The following ANXA4 variants were observed in gnomAD, a reference collection of about 807,000 sequenced individuals.
ANXA4 encodes 35-beta calcimedin.
In ANXA4, 39 loss-of-function variants were observed where a neutral mutation model predicts 49.8. The observed-to-expected ratio is 0.78, with a 90% CI of 0.61 to 1.02. The LOEUF (loss-of-function observed/expected upper bound fraction) is 1.02. Ranked by LOEUF, ANXA4 falls within the 50% of genes least tolerant of loss-of-function variation. ANXA4 has a pLI of 0.00. For synonymous variants in ANXA4, 134 were observed against 152.5 expected (o/e 0.88, Z 0.89); for missense variants, 360 against 410.1 (o/e 0.88, Z 1.05).
At chr2:69,676,878 GC>G (rs1295077566) in intron 2 of ANXA4, among the ~76,000 whole-genome samples, 1 of 152,050 alleles carries the variant, frequency 6.6e-6, no homozygotes, top group African/African-American at 2.4e-5. Context: ...GGGCGACAGA[GC>G]GGGGGAAAAA....
At chr2:69,660,449 TAAGCTCAGTTAAG>T (rs955379175) in intron 2 of ANXA4, among the ~76,000 whole-genome samples, 1 of 152,006 alleles carries the variant, frequency 6.6e-6, no homozygotes, top group African/African-American at 2.4e-5. Flanking sequence ...AAATCACCCA[TAAGCTCAGTTAAG>T]AGAACAAAAC....
At chr2:69,802,132 A>G (rs1033485600) in intron 3 of ANXA4, among the ~76,000 whole-genome samples, 4 of 152,168 alleles carry the variant, frequency 2.6e-5, no homozygotes, top group Admixed American at 2.0e-4. Flanking sequence ...CCTAAAGTAA[A>G]TCCAGCAGAT....
chr2:69,722,006 A>C (rs559132042), intron 3 of ANXA4, among the ~76,000 whole-genome samples: 1 of 152,346 alleles, frequency 6.6e-6, no homozygotes, highest in South Asian at 2.1e-4. Flanking sequence ...ATAAAATAGA[A>C]ATAATAATAT....
chr2:69,743,214 C>T (rs1214556976), intron 1 of ANXA4, among the ~76,000 whole-genome samples: 1 of 151,870 alleles, frequency 6.6e-6, no homozygotes, highest in Non-Finnish European at 1.5e-5. Flanking sequence ...TATTGATAAC[C>T]AAACCCTAGA....
chr2:69,786,979 C>T (rs917708500), intron 2 of ANXA4, among the ~76,000 whole-genome samples: 2 of 152,208 alleles, frequency 1.3e-5, no homozygotes, highest in South Asian at 4.1e-4. Flanking sequence ...CCTGCCTCAG[C>T]CTCCCAAAGT....
intron 1 of ANXA4, among the ~76,000 whole-genome samples, chr2:69,746,441 GT>G (rs940330290): frequency 2.4e-4 from 37 of 152,182 alleles, no homozygotes; most frequent in Non-Finnish European, 4.0e-4. Flanking sequence ...CCAACTAAAG[GT>G]TTTTTTGTTT....
intron 3 of ANXA4, among the ~76,000 whole-genome samples, chr2:69,789,532 G>GAC (rs920283385): frequency 6.6e-6 from 1 of 152,138 alleles, no homozygotes; most frequent in African/African-American, 2.4e-5. Context: ...GTTGCAGACA[G>GAC]ACACACACAC....
intron 2 of ANXA4, among the ~76,000 whole-genome samples, chr2:69,708,219 C>T (rs1445082718): frequency 6.6e-6 from 1 of 152,196 alleles, no homozygotes; most frequent in Non-Finnish European, 1.5e-5. Context: ...CTTGGGCCCA[C>T]AATGATATCA....
At chr2:69,799,736 C>T (rs561682916) in intron 3 of ANXA4, among the ~76,000 whole-genome samples, 1 of 152,292 alleles carries the variant, frequency 6.6e-6, no homozygotes, top group Non-Finnish European at 1.5e-5. Context: ...CCCCCAAGAC[C>T]TTGTCTCAGT....
intron 2 of ANXA4, among the ~76,000 whole-genome samples, chr2:69,698,307 G>T (rs1233354412): frequency 6.6e-6 from 1 of 152,164 alleles, no homozygotes; most frequent in Admixed American, 6.5e-5. Flanking sequence ...AATTTTGCGG[G>T]ACACAAACAT....
intron 8 of ANXA4, among the ~76,000 whole-genome samples, chr2:69,814,342 CTTTTTTTTT>C (rs781253870): frequency 2.1e-5 from 2 of 97,312 alleles, no homozygotes; most frequent in African/African-American, 8.7e-5. Flanking sequence ...GTATTTTATT[CTTTTTTTTT>C]TTTTTTTTTT....
rs533829238 is a variant in ANXA4 at position 69,791,168 on chromosome 2, G to C, written c.97+3027G>C. Among the ~76,000 whole-genome samples the C allele has an allele frequency of 4.6e-5, 7 of 152,278 alleles. No individual in the cohort carries two copies. In the South Asian group the frequency reaches 1.4e-3, roughly 32 times the overall value. On this transcript the variant is annotated intron_variant, in intron 3 of 12. Transcript: ENST00000394295. ...TTTTTTCCTTCTTGAGGTTCCAGAA[G>C]CATGGGGTTCCTAGGCCTGTTAGAA...
intron 2 of ANXA4, among the ~76,000 whole-genome samples, chr2:69,682,263 T>C (rs1424390165): frequency 2.0e-5 from 3 of 152,210 alleles, no homozygotes; most frequent in Non-Finnish European, 4.4e-5. Context: ...AGCACTGCTT[T>C]TGCTGTATCC....
At chr2:69,768,111 G>C (rs1427226810) in intron 1 of ANXA4, among the ~76,000 whole-genome samples, 2 of 152,094 alleles carry the variant, frequency 1.3e-5, no homozygotes, top group African/African-American at 4.8e-5. Flanking sequence ...TGAAAACATA[G>C]CTCTTATCAC....
intron 2 of ANXA4, among the ~76,000 whole-genome samples, chr2:69,704,263 G>T (rs1415106638): frequency 6.6e-6 from 1 of 151,922 alleles, no homozygotes; most frequent in Non-Finnish European, 1.5e-5. Flanking sequence ...ATTTAAATGG[G>T]ATCTTTTCTT....
chr2:69,731,008 C>G (rs1461823969), intron 3 of ANXA4, among the ~76,000 whole-genome samples: 1 of 149,282 alleles, frequency 6.7e-6, no homozygotes, highest in African/African-American at 2.6e-5. Flanking sequence ...AAGTGCTGGC[C>G]CTGAGGAGTG....
Position 69,825,529 on chromosome 2 carries a change from G to A in ANXA4, c.*14G>A. 3.8e-6 allele frequency: 6 copies of A among 1,598,794 alleles called. No individual in the cohort carries two copies. The highest frequency in any genetic ancestry group is 5.1e-6 in the Non-Finnish European group (6 of 1,172,346). Reference sequence around the variant, plus strand: ...GGAGATGATTAAAATAAAAATCCCAGAAGGACAGGAGGATTCTCAACACTT... The same window carrying A: ...GGAGATGATTAAAATAAAAATCCCAAAAGGACAGGAGGATTCTCAACACTT... On this transcript the variant is annotated 3_prime_UTR_variant, in exon 13 of 13. Transcript: ENST00000394295.
intron 8 of ANXA4, chr2:69,815,794 T>C (rs972531473): frequency 6.5e-6 from 2 of 307,796 alleles, no homozygotes; most frequent in Non-Finnish European, 1.2e-5. Context: ...CACATGTGGT[T>C]AGTGGCAACT....
chr2:69,677,365 G>A (rs938641026), intron 2 of ANXA4, among the ~76,000 whole-genome samples: 3 of 152,032 alleles, frequency 2.0e-5, no homozygotes, highest in Non-Finnish European at 4.4e-5. Flanking sequence ...AAGTAGCTGA[G>A]ATGACAGGTG....
Sources: allele counts gnomAD v4.1 joint callset (sites outside exome capture counted in the v4.1 genomes callset), GRCh38; gene constraint gnomAD v4.1.1; transcripts MANE v1.5; gene names NCBI Gene and HGNC (gene_info 2026-07-23, HGNC 2026-07-21).